TTLL13: variants seen among roughly 807,000 people sequenced by gnomAD.
TTLL13 encodes the protein tubulin polyglutamylase TTLL13.
chr15:90,264,170 G>C, the TTLL13 span: 2 of 667,978 alleles, frequency 3.0e-6, no homozygotes, highest in Admixed American at 5.7e-5. Context: ...GTGTAAGAAT[G>C]GGGAAGTTAG....
the TTLL13 span, chr15:90,264,691 A>G: frequency 1.4e-5 from 21 of 1,533,252 alleles, no homozygotes; most frequent in East Asian, 2.4e-5. Context: ...GTGAATACCA[A>G]CTCAGGGACA....
At chr15:90,257,886 A>G in the TTLL13 span, 59 of 935,558 alleles carry the variant, frequency 6.3e-5, no homozygotes, top group Non-Finnish European at 8.9e-5. Flanking sequence ...TGCAGCCCCA[A>G]ACCTCACCCT....
At chr15:90,260,238 C>G in the TTLL13 span, among the ~76,000 whole-genome samples, 1 of 152,226 alleles carries the variant, frequency 6.6e-6, no homozygotes, top group African/African-American at 2.4e-5. Flanking sequence ...TGGCTCACAC[C>G]TGTAATCCCA....
chr15:90,249,799 G>T, the TTLL13 span: 1 of 152,152 alleles, frequency 6.6e-6, no homozygotes, highest in Non-Finnish European at 1.5e-5. Context: ...AGCTCTCCTC[G>T]TAACCACGGG....
At chr15:90,251,103 T>A in the TTLL13 span, among the ~76,000 whole-genome samples, 2 of 139,540 alleles carry the variant, frequency 1.4e-5, no homozygotes, top group Non-Finnish European at 3.1e-5. Flanking sequence ...GTTTATGTCA[T>A]CCTGGTCTGT....
chr15:90,250,935 C>T, the TTLL13 span: 1 of 1,585,476 alleles, frequency 6.3e-7, no homozygotes, highest in South Asian at 1.1e-5. Flanking sequence ...AGGGAGTCAC[C>T]CATTGGCCTC....
chr15:90,250,027 G>T, the TTLL13 span, among the ~76,000 whole-genome samples: 2 of 150,918 alleles, frequency 1.3e-5, no homozygotes, highest in Non-Finnish European at 3.0e-5. Flanking sequence ...GTGTGATCTC[G>T]GCTCACTGCA....
the TTLL13 span, among the ~76,000 whole-genome samples, chr15:90,251,145 G>A: frequency 0.26 from 30,450 of 118,180 alleles, 4,786 homozygotes; most frequent in East Asian, 0.67. Flanking sequence ...ACAGAGTCTC[G>A]CTCTGTCGCC....
chr15:90,257,036 A>C, the TTLL13 span: 1 of 1,128,916 alleles, frequency 8.9e-7, no homozygotes, highest in Admixed American at 2.6e-5. Context: ...TTACATGGTT[A>C]TTGTGGAAAT....
At chr15:90,256,621 CCTTCCTTCCTTCCTTCCTTCTTT>C in the TTLL13 span, among the ~76,000 whole-genome samples, 2,293 of 69,536 alleles carry the variant, frequency 0.033, 90 homozygotes, top group African/African-American at 0.12. Flanking sequence ...TTCCTTCCTT[CCTTCCTTCCTTCCTTCCTTCTTT>C]CTTTCTCCCT....
chr15:90,252,314 G>T, the TTLL13 span, among the ~76,000 whole-genome samples: 56 of 152,082 alleles, frequency 3.7e-4, no homozygotes, highest in Non-Finnish European at 4.4e-5. Flanking sequence ...TGGGATTACA[G>T]GCATGAGCCA....
chr15:90,257,655 C>G, the TTLL13 span: 64 of 1,614,042 alleles, frequency 4.0e-5, 1 homozygote, highest in Non-Finnish European at 5.3e-5. Context: ...CTGCATGCAC[C>G]TGACCAACTA....
the TTLL13 span, among the ~76,000 whole-genome samples, chr15:90,260,304 C>T: frequency 9.8e-4 from 148 of 151,540 alleles, no homozygotes; most frequent in Non-Finnish European, 1.4e-3. Context: ...TTGAGACCAG[C>T]CTGGGCAACA....
the TTLL13 span, chr15:90,264,878 C>A: frequency 1.2e-5 from 18 of 1,536,130 alleles, 3 homozygotes; most frequent in South Asian, 2.1e-4. Context: ...AAACTCTGAA[C>A]ACAGAGCAGC....
the TTLL13 span, chr15:90,250,744 G>A: frequency 5.5e-5 from 89 of 1,614,026 alleles, no homozygotes; most frequent in Non-Finnish European, 6.9e-5. Flanking sequence ...CTTCACAGCA[G>A]GCTCTCTTAA....
At chr15:90,262,712 G>C in the TTLL13 span, 5 of 1,439,338 alleles carry the variant, frequency 3.5e-6, no homozygotes, top group African/African-American at 1.4e-5. Context: ...CAGGAAAATG[G>C]GTTGGGACAA....
the TTLL13 span, among the ~76,000 whole-genome samples, chr15:90,253,735 G>A: frequency 1.3e-5 from 2 of 152,226 alleles, no homozygotes; most frequent in African/African-American, 4.8e-5. Context: ...AAGCAACTTA[G>A]TTTAGCATTC....
the TTLL13 span, among the ~76,000 whole-genome samples, chr15:90,252,264 T>C: frequency 4.9e-4 from 75 of 152,238 alleles, no homozygotes; most frequent in Middle Eastern, 3.4e-3. Context: ...CTTGAACTCC[T>C]GACCTCAGGT....
the TTLL13 span, among the ~76,000 whole-genome samples, chr15:90,264,224 C>T: frequency 1.3e-5 from 2 of 152,218 alleles, no homozygotes; most frequent in East Asian, 3.9e-4. Context: ...CAAGGTCACG[C>T]TCTGTCGCCA....
Sources: gnomAD v4.1 joint callset for allele counts (sites outside exome capture counted in the v4.1 genomes callset) on GRCh38, gnomAD v4.1.1 for gene constraint, MANE v1.5 for transcripts, NCBI Gene and HGNC (gene_info 2026-07-23, HGNC 2026-07-21) for gene names.